EFCAB8: variants seen among roughly 807,000 people sequenced by gnomAD.
EFCAB8 encodes EF-hand calcium-binding domain-containing protein 8.
Under a neutral mutation model 116.3 loss-of-function variants are expected in EFCAB8, and 100 were observed. That is an observed-to-expected ratio of 0.86 (90% CI 0.73 to 1.02). The LOEUF (loss-of-function observed/expected upper bound fraction) is 1.02, where lower values mean the gene tolerates loss of function less well. EFCAB8 is among the 50% of genes least tolerant of loss of function. The probability of loss-of-function intolerance (pLI) is 0.00; values close to 1 mark genes in which losing one functional copy is unlikely to be tolerated. For missense variants in EFCAB8, 1,320 were observed against 1,416.9 expected (o/e 0.93, Z 1.10); for synonymous variants, 558 against 567.9 (o/e 0.98, Z 0.25).
intron 6 of EFCAB8, 46 bp downstream of exon 6, chr20:32,885,686 G>T: frequency 6.5e-7 from 1 of 1,542,514 alleles, no homozygotes; most frequent in Non-Finnish European, 8.8e-7. Flanking sequence ...TGATTGGAGA[G>T]CCTCTGCCTT....
chr20:32,921,201 C>CT (rs5841120), intron 20 of EFCAB8, among the ~76,000 whole-genome samples: 144,501 of 149,394 alleles, frequency 0.97, 69,895 homozygotes, highest in Non-Finnish European at 1. Flanking sequence ...TTTCTCTCTC[C>CT]TTTTTTTTTC....
At chr20:32,878,195 G>A (rs1452026727) in intron 4 of EFCAB8, among the ~76,000 whole-genome samples, 1 of 151,692 alleles carries the variant, frequency 6.6e-6, no homozygotes, top group Non-Finnish European at 1.5e-5. Context: ...GAGCCTGGGA[G>A]ATTGAGGCTG....
At chr20:32,913,985 C>A (rs1039865586) in intron 17 of EFCAB8, among the ~76,000 whole-genome samples, 1 of 152,238 alleles carries the variant, frequency 6.6e-6, no homozygotes, top group Non-Finnish European at 1.5e-5. Flanking sequence ...ATTTGGGGAG[C>A]CTTGCCCCCA....
At chr20:32,881,457 A>G (rs1985333243) in intron 5 of EFCAB8, among the ~76,000 whole-genome samples, 1 of 152,164 alleles carries the variant, frequency 6.6e-6, no homozygotes, top group South Asian at 2.1e-4. Context: ...TCGGCCTCCC[A>G]AAGTGTTGGG....
At position 32,908,268 on chromosome 20, in the gene EFCAB8, C is replaced by G; in HGVS notation, c.1309-7C>G. 8.0e-7 allele frequency: 1 copy of G among 1,249,872 alleles called. No homozygotes were observed. Among genetic ancestry groups the G allele is most frequent in the Non-Finnish European group, 1.0e-6 (1 of 988,244 alleles). 77.4% of individuals were successfully genotyped at this position (1,249,872 alleles called of 1,614,324 possible). The stretch of plus-strand genomic sequence containing the variant: ...GCTCAGCGTCTTGCCTTTTTCCCAT[C>G]CCCCAGAATATTCGCGTGTGGGACA... On this transcript the variant is annotated splice_polypyrimidine_tract_variant and splice_region_variant and intron_variant, in intron 13 of 26. Transcript: ENST00000400522.
At chr20:32,885,374 A>G (rs4911271) in intron 5 of EFCAB8, 131 bp from the exon 6 acceptor site, 353,095 of 1,227,052 alleles carry the variant, frequency 0.29, 61,766 homozygotes, top group East Asian at 0.67. Context: ...TGGCGTGCGC[A>G]TGTGCGTGCG....
At chr20:32,904,587 C>G (rs569561397) in intron 11 of EFCAB8, among the ~76,000 whole-genome samples, 1 of 149,934 alleles carries the variant, frequency 6.7e-6, no homozygotes, top group Non-Finnish European at 1.5e-5. Context: ...GTGTGAGCCA[C>G]CACACCTGAA....
At chr20:32,887,990 C>T (rs1259781484) in intron 6 of EFCAB8, among the ~76,000 whole-genome samples, 5 of 152,146 alleles carry the variant, frequency 3.3e-5, no homozygotes, top group Admixed American at 3.3e-4. Context: ...TTCCTACTTC[C>T]TCTCCCTGCA....
Position 32,917,381 on chromosome 20 carries a change from A to G in EFCAB8, c.1937A>G (p.Tyr646Cys), listed in dbSNP as rs1382288855. 1 of 1,551,882 alleles carries G rather than the reference A, an allele frequency of 6.4e-7. No homozygotes were observed. The highest frequency in any genetic ancestry group is 2.4e-5 in the East Asian group (1 of 40,922). Residue 646 changes from tyrosine to cysteine, a missense_variant, in exon 18 of 27, where the codon TAC becomes TGC. Physicochemically the swap from Tyr to Cys is radical, Grantham distance 194. Transcript: ENST00000400522. Reference sequence around the variant, plus strand: ...GAGGACATCCTGAGCATGGCCAAGTACCGGAACCAGTTCCTTGGGACCTCC... The same window carrying G: ...GAGGACATCCTGAGCATGGCCAAGTGCCGGAACCAGTTCCTTGGGACCTCC... ...HTEDILSMAK[Y>C]RNQFLGTSSY... is the part of the protein sequence containing the mutation.
chr20:32,898,815 T>C (rs1986289837), intron 11 of EFCAB8, among the ~76,000 whole-genome samples, 192 bp downstream of exon 11: 1 of 152,110 alleles, frequency 6.6e-6, no homozygotes, highest in African/African-American at 2.4e-5. Context: ...TATGCAAAAC[T>C]CAGCATAGAA....
chr20:32,954,016 G>C (rs761825521), intron 23 of EFCAB8, among the ~76,000 whole-genome samples: 5 of 152,098 alleles, frequency 3.3e-5, no homozygotes, highest in Non-Finnish European at 7.3e-5. Flanking sequence ...ACTTTGGCCA[G>C]GCTGGTCTCG....
At chr20:32,917,703 C>T (rs1288513468) in intron 18 of EFCAB8, among the ~76,000 whole-genome samples, 198 bp downstream of exon 18, 1 of 152,142 alleles carries the variant, frequency 6.6e-6, no homozygotes, top group Non-Finnish European at 1.5e-5. Context: ...AATGGAGGCA[C>T]ACGGAGATGA....
intron 22 of EFCAB8, among the ~76,000 whole-genome samples, chr20:32,933,420 T>TAAATC (rs1987982701): frequency 6.6e-6 from 1 of 152,230 alleles, no homozygotes; most frequent in Non-Finnish European, 1.5e-5. Flanking sequence ...GTGGAATGAT[T>TAAATC]AAATCAAGCC....
chr20:32,933,898 A>C (rs1988004374), intron 22 of EFCAB8, among the ~76,000 whole-genome samples: 1 of 152,196 alleles, frequency 6.6e-6, no homozygotes, highest in Non-Finnish European at 1.5e-5. Context: ...AATCACTTGA[A>C]CCTGGGAGGC....
chr20:32,934,878 A>G (rs888411935), intron 22 of EFCAB8, among the ~76,000 whole-genome samples: 43 of 152,154 alleles, frequency 2.8e-4, no homozygotes, highest in African/African-American at 1.0e-3. Flanking sequence ...AGTCTCGGAT[A>G]TGTCTTTATT....
intron 22 of EFCAB8, among the ~76,000 whole-genome samples, chr20:32,938,933 T>G (rs1429252609): frequency 2.0e-5 from 3 of 148,278 alleles, no homozygotes; most frequent in African/African-American, 7.5e-5. Context: ...TTTCTTTTCT[T>G]CCTTCCCTCC....
chr20:32,927,979 A>G (rs2146270184), intron 20 of EFCAB8, among the ~76,000 whole-genome samples: 1 of 152,222 alleles, frequency 6.6e-6, no homozygotes, highest in Admixed American at 6.5e-5. Context: ...ATTAAAAAAT[A>G]ACTCCCACTC....
rs531861962 is a variant in EFCAB8 at position 32,950,928 on chromosome 20, G to A, written c.2959+7124G>A. ...GAACTTAAAGTGGCAGTGTTTGTCC[G>A]AGATGACGGTGCTCCTGCTCTGTCA... On this transcript the variant is annotated intron_variant, in intron 23 of 26. Transcript: ENST00000400522. Among the ~76,000 whole-genome samples, 8 of 152,284 alleles carry A rather than the reference G, an allele frequency of 5.3e-5. 2 individuals are homozygous for A. The South Asian group carries it at 1.7e-3, about 32-fold the overall frequency.
At chr20:32,899,668 G>A (rs940441423) in intron 11 of EFCAB8, among the ~76,000 whole-genome samples, 2 of 151,606 alleles carry the variant, frequency 1.3e-5, no homozygotes, top group Non-Finnish European at 2.9e-5. Flanking sequence ...TCTGCCTCCC[G>A]GGTTCAAGTG....
Sources: gnomAD v4.1 joint callset for allele counts (sites outside exome capture counted in the v4.1 genomes callset) on GRCh38, gnomAD v4.1.1 for gene constraint, MANE v1.5 for transcripts, NCBI Gene and HGNC (gene_info 2026-07-23, HGNC 2026-07-21) for gene names.